RBFOX1: variants seen among roughly 807,000 people sequenced by gnomAD.
RBFOX1 encodes the protein RNA binding protein fox-1 homolog 1.
Under a neutral mutation model 57.7 loss-of-function variants are expected in RBFOX1, and 8 were observed. The ratio of observed to expected loss-of-function variants is 0.14; its 90% CI spans 0.08 to 0.25. The LOEUF (loss-of-function observed/expected upper bound fraction) is 0.25, where lower values mean the gene tolerates loss of function less well. RBFOX1 is among the 10% of genes least tolerant of loss of function. The pLI, the probability that RBFOX1 is intolerant of heterozygous loss-of-function variation, is 1.00. For missense variants in RBFOX1, 611 were observed against 548.5 expected (o/e 1.11, Z -1.14); for synonymous variants, 326 against 222.4 (o/e 1.47, Z -4.15).
intron 2 of RBFOX1, among the ~76,000 whole-genome samples, chr16:5,534,315 A>T (rs1412682299): frequency 6.6e-6 from 1 of 152,178 alleles, no homozygotes; most frequent in African/African-American, 2.4e-5. Context: ...GAGTTTATTA[A>T]GGAGAATTGA....
chr16:7,504,795 ATATATATT>A (rs2072631544), intron 4 of RBFOX1, among the ~76,000 whole-genome samples: 11 of 28,264 alleles, frequency 3.9e-4, no homozygotes, highest in African/African-American at 8.9e-4. Flanking sequence ...ATTTATATAT[ATATATATT>A]TATATATATA....
chr16:6,619,907 T>G (rs2098202388), intron 2 of RBFOX1, among the ~76,000 whole-genome samples: 1 of 152,102 alleles, frequency 6.6e-6, no homozygotes, highest in Non-Finnish European at 1.5e-5. Flanking sequence ...CCCCTCTGTG[T>G]GTCCACGTGT....
At chr16:7,256,378 T>C (rs2094684228) in intron 4 of RBFOX1, among the ~76,000 whole-genome samples, 1 of 152,160 alleles carries the variant, frequency 6.6e-6, no homozygotes, top group Non-Finnish European at 1.5e-5. Flanking sequence ...TCAGATTCAT[T>C]TTCAATCTCT....
At chr16:7,572,129 A>T (rs971304600) in intron 5 of RBFOX1, among the ~76,000 whole-genome samples, 20 of 152,166 alleles carry the variant, frequency 1.3e-4, no homozygotes, top group Non-Finnish European at 2.8e-4. Flanking sequence ...TCCATCTCAA[A>T]ACAAAACTGA....
intron 4 of RBFOX1, among the ~76,000 whole-genome samples, chr16:7,164,240 T>G (rs1326046206): frequency 6.6e-6 from 1 of 152,180 alleles, no homozygotes; most frequent in Non-Finnish European, 1.5e-5. Flanking sequence ...CCTGAGTTAC[T>G]TCACCTAGAA....
intron 1 of RBFOX1, among the ~76,000 whole-genome samples, chr16:5,453,662 G>A (rs1400892442): frequency 1.3e-5 from 2 of 152,106 alleles, no homozygotes; most frequent in African/African-American, 4.8e-5. Context: ...TATGAGTAAT[G>A]GCATCCAAAG....
Position 7,710,025 on chromosome 16 carries a change from C to T in RBFOX1, c.1072-598C>T, listed in dbSNP as rs961962286. On this transcript the variant is annotated intron_variant, in intron 15 of 15. Coordinates refer to ENST00000550418, the MANE Select transcript of RBFOX1 (RefSeq NM_018723.4). ...AAGTGCCACCTTGTAGCCATTAAAA[C>T]CATGGCCGGACAGTTCACTGAAGCT... is the stretch of plus-strand genomic sequence containing the variant. 5 of 1,006,586 alleles carry T rather than the reference C, an allele frequency of 5.0e-6. No individual in the cohort carries two copies. In the African/African-American group the frequency reaches 7.0e-5, roughly 14 times the overall value. 62.4% of individuals were successfully genotyped at this position (1,006,586 alleles called of 1,614,324 possible). A position where few individuals can be genotyped will look rare whatever the true frequency, so the allele number is the denominator to read the frequency against.
At chr16:6,486,273 T>C (rs1005250281) in intron 2 of RBFOX1, among the ~76,000 whole-genome samples, 1 of 151,978 alleles carries the variant, frequency 6.6e-6, no homozygotes, top group African/African-American at 2.4e-5. Flanking sequence ...AATGGGCCAA[T>C]CTTGAGCTAA....
chr16:6,844,498 G>A (rs375637075), intron 3 of RBFOX1, among the ~76,000 whole-genome samples: 9 of 152,228 alleles, frequency 5.9e-5, no homozygotes, highest in Non-Finnish European at 1.0e-4. Flanking sequence ...CTATGTCTCT[G>A]CAGAAGATAT....
intron 4 of RBFOX1, among the ~76,000 whole-genome samples, chr16:7,437,866 G>GAA: frequency 8.4e-6 from 1 of 119,118 alleles, no homozygotes; most frequent in African/African-American, 3.1e-5. Context: ...AGCAAAGTCA[G>GAA]AAAAAAAAAA....
intron 2 of RBFOX1, among the ~76,000 whole-genome samples, chr16:5,582,846 T>G (rs2046717446): frequency 6.6e-6 from 1 of 152,176 alleles, no homozygotes; most frequent in African/African-American, 2.4e-5. Flanking sequence ...GGGTGACAGA[T>G]TTTAGATTCT....
At chr16:6,442,509 A>G (rs1261637104) in intron 2 of RBFOX1, among the ~76,000 whole-genome samples, 2 of 152,022 alleles carry the variant, frequency 1.3e-5, no homozygotes, top group African/African-American at 4.8e-5. Context: ...GTGAGCTGAG[A>G]TCACACCACT....
At chr16:5,561,201 A>C (rs183265893) in intron 2 of RBFOX1, among the ~76,000 whole-genome samples, 141 of 152,230 alleles carry the variant, frequency 9.3e-4, no homozygotes, top group Non-Finnish European at 1.7e-3. Context: ...GGGGTCTTGC[A>C]CATTAATATT....
chr16:7,013,466 C>T (rs563889379), intron 3 of RBFOX1, among the ~76,000 whole-genome samples: 9 of 152,166 alleles, frequency 5.9e-5, no homozygotes, highest in Non-Finnish European at 1.0e-4. Context: ...TCGCATCTAG[C>T]AGATGGAGTG....
intron 4 of RBFOX1, among the ~76,000 whole-genome samples, chr16:7,059,039 T>C (rs1026208300): frequency 3.9e-5 from 6 of 152,212 alleles, no homozygotes; most frequent in Non-Finnish European, 8.8e-5. Context: ...AGCGAGTTTC[T>C]CATTTCTGCT....
At chr16:5,633,794 A>G (rs1165510966) in intron 3 of RBFOX1, among the ~76,000 whole-genome samples, 3 of 152,040 alleles carry the variant, frequency 2.0e-5, no homozygotes, top group South Asian at 2.1e-4. Flanking sequence ...GAATGGCTAG[A>G]ACCCAGGAGG....
At chr16:6,412,004 C>T (rs905731368) in intron 2 of RBFOX1, among the ~76,000 whole-genome samples, 9 of 151,702 alleles carry the variant, frequency 5.9e-5, no homozygotes, top group Admixed American at 4.6e-4. Flanking sequence ...TAGTGGCAGG[C>T]GCCTGTAATC....
chr16:5,394,268 C>A (rs570333777), intron 1 of RBFOX1, among the ~76,000 whole-genome samples: 1 of 152,072 alleles, frequency 6.6e-6, no homozygotes, highest in Admixed American at 6.6e-5. Flanking sequence ...GTGATCTGCC[C>A]GCCTCAGCCT....
At chr16:7,377,521 G>T (rs1460235339) in intron 4 of RBFOX1, among the ~76,000 whole-genome samples, 3 of 152,174 alleles carry the variant, frequency 2.0e-5, no homozygotes, top group Admixed American at 2.0e-4. Context: ...ACAGCCTAAG[G>T]AGAATTTAAA....
Sources: allele counts gnomAD v4.1 joint callset (sites outside exome capture counted in the v4.1 genomes callset), GRCh38; gene constraint gnomAD v4.1.1; transcripts MANE v1.5; gene names NCBI Gene and HGNC (gene_info 2026-07-23, HGNC 2026-07-21).